Variants in ERBB2 observed in about 807,000 individuals in gnomAD.
The protein encoded by ERBB2 is receptor tyrosine-protein kinase erbB-2.
Under a neutral mutation model 149.0 loss-of-function variants are expected in ERBB2, and 61 were observed. That is an observed-to-expected ratio of 0.41 (90% CI 0.33 to 0.51). The LOEUF (loss-of-function observed/expected upper bound fraction) is 0.51, where lower values mean the gene tolerates loss of function less well. ERBB2 is among the 20% of genes least tolerant of loss of function. The pLI, the probability that ERBB2 is intolerant of heterozygous loss-of-function variation, is 0.25. For missense variants in ERBB2, 1,205 were observed against 1,655.1 expected, an observed-to-expected ratio of 0.73 and a Z score of 4.72; for synonymous variants, 633 against 678.8, an observed-to-expected ratio of 0.93 and a Z score of 1.05.
rs2059124159 is a variant in ERBB2, at chr17:39,716,336, C to T, written c.1549C>T (p.Arg517Ter). Residue 517 changes from arginine (R) to a stop codon, truncating the protein, a stop_gained, in exon 13 of 27, where the codon CGA becomes TGA. Transcript: ENST00000269571. LOFTEE classifies it high-confidence loss of function. ...CCTGGCCTGCCACCAGCTGTGCGCC[C>T]GAGGGCACTGCTGGGGTCCAGGGCC... ...EGLACHQLCA[R>*]GHCWGPGPTQ... 3 of 1,605,218 alleles carry T rather than the reference C, an allele frequency of 1.9e-6. No homozygotes were observed. The highest frequency in any genetic ancestry group is 2.5e-6 in the Non-Finnish European group (3 of 1,176,786).
At chr17:39,719,759 A>G in intron 15 of ERBB2, 28 bp from the exon 16 acceptor site, 1 of 1,613,376 alleles carries the variant, frequency 6.2e-7, no homozygotes, top group Admixed American at 1.7e-5. Flanking sequence ...GGTTCCCAGA[A>G]TTGTTGATGA....
chr17:39,688,148 A>AT, exon 1 of ERBB2: 2 of 879,550 alleles, frequency 2.3e-6, no homozygotes, highest in East Asian at 3.3e-5. Flanking sequence ...AAGTTCCCGG[A>AT]TTTTTGTGGG....
chr17:39,689,709 C>T (rs1375630767), intron 2 of ERBB2, among the ~76,000 whole-genome samples: 1 of 151,944 alleles, frequency 6.6e-6, no homozygotes, highest in Non-Finnish European at 1.5e-5. Context: ...AGTTTGAGAC[C>T]AGCCTGACCA....
intron 8 of ERBB2, 95 bp from the exon 9 acceptor site, chr17:39,712,227 G>A (rs1439416140): frequency 1.9e-6 from 3 of 1,565,128 alleles, no homozygotes; most frequent in Non-Finnish European, 2.6e-6. Flanking sequence ...TGTCAGTGTG[G>A]GGAGGGGCCC....
rs1385406034 is a variant in ERBB2 at position 39,725,901 on chromosome 17, T to C, written c.2872+48T>C. ...CTGCCTGGAGGAGGGTGGGAGGTCC[T>C]GGGTGGAGGAGCCCACAAGGGGCAT... On this transcript the variant is annotated intron_variant, in intron 23 of 26. Coordinates refer to ENST00000269571, the MANE Select transcript of ERBB2 (RefSeq NM_004448.4). The surrounding 1 kb of genome is among the most constrained non-coding windows in gnomAD (Gnocchi z 4.6). 9 of 1,603,172 alleles carry C rather than the reference T, an allele frequency of 5.6e-6. No individual in the cohort carries two copies. Among genetic ancestry groups the C allele is most frequent in the Admixed American group, 1.7e-5 (1 of 57,608 alleles).
chr17:39,711,831 GT>G, intron 7 of ERBB2, 96 bp from the exon 8 acceptor site: 1 of 1,455,192 alleles, frequency 6.9e-7, no homozygotes, highest in Non-Finnish European at 9.5e-7. Flanking sequence ...TTAAGTATTG[GT>G]TGATATTATT....
chr17:39,725,305 A>T lies in ERBB2; in HGVS notation c.2650-22A>T, dbSNP rs374399848. ...CCTCCCCACAACACACAGTTGGAGG[A>T]CTTCCTCTTCTGCCCTCCCAGGTGC... On this transcript the variant is annotated intron_variant, in intron 21 of 26. Coordinates refer to ENST00000269571, the MANE Select transcript of ERBB2 (RefSeq NM_004448.4). This position sits in a 1 kb window ranked among gnomAD's most constrained non-coding sequence, Gnocchi z 4.6. 4 of 1,613,422 alleles carry T rather than the reference A, an allele frequency of 2.5e-6. No individual in the cohort carries two copies. Among genetic ancestry groups the T allele is most frequent in the Non-Finnish European group, 3.4e-6 (4 of 1,179,674 alleles).
chr17:39,718,652 G>A (rs1382651767), intron 15 of ERBB2, among the ~76,000 whole-genome samples: 1 of 152,040 alleles, frequency 6.6e-6, no homozygotes, highest in Non-Finnish European at 1.5e-5. Context: ...ACAAAAACTA[G>A]CCAGGTGTGG....
At chr17:39,691,163 T>C (rs2057686995), upstream of ERBB2, among the ~76,000 whole-genome samples, 2 of 152,136 alleles carry the variant, frequency 1.3e-5, no homozygotes, top group South Asian at 2.1e-4. Flanking sequence ...AAGTTTACCA[T>C]GTGCAAGTCT....
At chr17:39,700,358 C>A in intron 1 of ERBB2, 47 bp downstream of exon 1, 1 of 1,263,628 alleles carries the variant, frequency 7.9e-7, no homozygotes, top group Non-Finnish European at 1.0e-6. Flanking sequence ...GGACCCTGCC[C>A]TGTGGATGCC....
At chr17:39,709,587 TC>T in intron 4 of ERBB2, 135 bp downstream of exon 4, 9 of 1,032,368 alleles carry the variant, frequency 8.7e-6, no homozygotes, top group Non-Finnish European at 1.3e-5. Flanking sequence ...TCTCTGTCCC[TC>T]CTGCCATCTC....
chr17:39,701,382 G>A (rs1233982153), intron 1 of ERBB2, among the ~76,000 whole-genome samples: 1 of 152,114 alleles, frequency 6.6e-6, no homozygotes, highest in Non-Finnish European at 1.5e-5. Flanking sequence ...GTCAAGATGG[G>A]ACCCCAGGCA....
chr17:39,726,122 C>A lies in ERBB2; in HGVS notation c.2872+269C>A. 1 of 466,524 alleles carries A rather than the reference C, an allele frequency of 2.1e-6. No individual in the cohort carries two copies. Among genetic ancestry groups the A allele is most frequent in the Middle Eastern group, 5.7e-4 (1 of 1,744 alleles). 28.9% of individuals were successfully genotyped at this position (466,524 alleles called of 1,614,324 possible). On this transcript the variant is annotated intron_variant, in intron 23 of 26. Transcript: ENST00000269571. The surrounding 1 kb of genome is among the most constrained non-coding windows in gnomAD (Gnocchi z 5.1). ...GCTGAGGTGGGAGGATCCCTTGAAG[C>A]CAGGAGTTCAAGACCAGCCTGGGCA...
intron 1 of ERBB2, among the ~76,000 whole-genome samples, chr17:39,701,695 C>T (rs976968496): frequency 6.6e-6 from 1 of 152,094 alleles, no homozygotes; most frequent in African/African-American, 2.4e-5. Context: ...TGTTGCCAAA[C>T]AGCAGTCTCT....
intron 4 of ERBB2, 39 bp from the exon 5 acceptor site, chr17:39,709,774 G>T: frequency 6.3e-7 from 1 of 1,581,394 alleles, no homozygotes; most frequent in South Asian, 1.1e-5. Context: ...CTCGCTGTTA[G>T]ACATCTCTCT....
intron 1 of ERBB2, among the ~76,000 whole-genome samples, chr17:39,704,579 G>A (rs868775538): frequency 6.6e-6 from 1 of 152,076 alleles, no homozygotes; most frequent in African/African-American, 2.4e-5. Context: ...CTCAAAAAAA[G>A]AAAACCAATG....
Position 39,712,430 on chromosome 17 carries a change from T to C in ERBB2, c.1130T>C (p.Leu377Pro). Residue 377 changes from leucine to proline, a missense_variant, in exon 9 of 27, where the codon CTG becomes CCG. By Grantham distance (98) the Leu-to-Pro change is moderately conservative (BLOSUM62 -3). Coordinates refer to ENST00000269571, the MANE Select transcript of ERBB2 (RefSeq NM_004448.4). Reference sequence around the variant, plus strand: ...AAGATCTTTGGGAGCCTGGCATTTCTGCCGGAGAGCTTTGATGGGTAAGAG... The same window carrying C: ...AAGATCTTTGGGAGCCTGGCATTTCCGCCGGAGAGCTTTGATGGGTAAGAG... ...CKKIFGSLAF[L>P]PESFDGDPAS... 1 of 1,613,936 alleles carries C rather than the reference T, an allele frequency of 6.2e-7. No homozygotes were observed. The highest frequency in any genetic ancestry group is 8.5e-7 in the Non-Finnish European group (1 of 1,179,946).
At chr17:39,699,267 C>T (rs780813285), upstream of ERBB2, among the ~76,000 whole-genome samples, 2 of 151,960 alleles carry the variant, frequency 1.3e-5, no homozygotes, top group Non-Finnish European at 2.9e-5. Context: ...CAAGACCAGC[C>T]TCACCAACGT....
chr17:39,695,544 C>T (rs1480920800), upstream of ERBB2, among the ~76,000 whole-genome samples: 1 of 152,144 alleles, frequency 6.6e-6, no homozygotes, highest in Non-Finnish European at 1.5e-5. Flanking sequence ...CCCCAGCAAC[C>T]TGTGCCTCAG....
Sources: allele counts gnomAD v4.1 joint callset (sites outside exome capture counted in the v4.1 genomes callset), GRCh38; gene constraint gnomAD v4.1.1; non-coding constraint Gnocchi (gnomAD v3.1); transcripts MANE v1.5; gene names NCBI Gene and HGNC (gene_info 2026-07-23, HGNC 2026-07-21).